NLGN4X: variants seen among roughly 807,000 people sequenced by gnomAD.
The protein encoded by NLGN4X is neuroligin-4, X-linked.
A neutral mutation model predicts 40.3 loss-of-function variants in NLGN4X; 3 were observed. The observed-to-expected ratio is 0.07, with a 90% CI of 0.03 to 0.19. The LOEUF is 0.19. NLGN4X is among the 10% of genes least tolerant of loss of function. The probability of loss-of-function intolerance (pLI) is 1.00; values close to 1 mark genes in which losing one functional copy is unlikely to be tolerated. For missense variants in NLGN4X, 382 were observed against 708.3 expected (o/e 0.54, Z 5.23); for synonymous variants, 270 against 306.8 (o/e 0.88, Z 1.25).
chrX:6,047,375 C>T lies in NLGN4X; in HGVS notation c.473-17943G>A, dbSNP rs751764947. ...ACCTGCAGTCCCAGCTACTTGGGGG[C>T]GCTGAGGTGGGAGGATCACCTAAGC... On this transcript the variant is annotated intron_variant, in intron 2 of 5. Coordinates refer to ENST00000381095, the MANE Select transcript of NLGN4X (RefSeq NM_181332.3). Among the ~76,000 whole-genome samples, 6 of 111,355 alleles carry T rather than the reference C, an allele frequency of 5.4e-5. 1 individual carries two copies. Among genetic ancestry groups the T allele is most frequent in the Middle Eastern group, 9.3e-3 (2 of 216 alleles).
chrX:6,065,823 T>G (rs921642028), intron 2 of NLGN4X, among the ~76,000 whole-genome samples: 1 of 112,067 alleles, frequency 8.9e-6, no homozygotes, highest in Non-Finnish European at 1.9e-5. Flanking sequence ...CTTGATATAC[T>G]ATGTTATTTT....
chrX:6,095,102 CGTGTGTGTGTGTGTGTGTGTGTGTGT>C (rs56285921), intron 2 of NLGN4X, among the ~76,000 whole-genome samples: 6 of 88,365 alleles, frequency 6.8e-5, no homozygotes, highest in African/African-American at 1.2e-4. Context: ...TACGTGCGTG[CGTGTGTGTGTGTGTGTGTGTGTGTGT>C]GTGTGTGTGT....
rs778715952 is a variant in NLGN4X at position 5,895,517 on chromosome X, T to C, written c.1602-1851A>G. Among the ~76,000 whole-genome samples, 14 of 111,681 alleles carry C rather than the reference T, an allele frequency of 1.3e-4. No individual in the cohort carries two copies. The South Asian group carries it at 1.5e-3, about 12-fold the overall frequency. On this transcript the variant is annotated intron_variant, in intron 5 of 5. Coordinates refer to ENST00000381095, the MANE Select transcript of NLGN4X (RefSeq NM_181332.3). ...GCATAAAAGTATATTGTATATTACA[T>C]ACTATATACAAGTATACTGCATACC...
intron 3 of NLGN4X, among the ~76,000 whole-genome samples, chrX:6,002,695 A>G (rs1176575947): frequency 9.0e-6 from 1 of 111,560 alleles, no homozygotes; most frequent in East Asian, 2.8e-4. Flanking sequence ...ACCAGGGCCC[A>G]AAGTGAGAAT....
intron 3 of NLGN4X, among the ~76,000 whole-genome samples, chrX:5,994,168 C>A (rs1441167698): frequency 1.8e-5 from 2 of 112,030 alleles, no homozygotes; most frequent in African/African-American, 6.5e-5. Context: ...GAAATTGCAA[C>A]AGACTGAACT....
At chrX:5,919,238 TA>T in intron 3 of NLGN4X, among the ~76,000 whole-genome samples, 1 of 111,628 alleles carries the variant, frequency 9.0e-6, no homozygotes, top group Non-Finnish European at 1.9e-5. Context: ...GCAATATATA[TA>T]TATATGTAGC....
intron 2 of NLGN4X, among the ~76,000 whole-genome samples, chrX:6,082,751 C>CG (rs1241962646): frequency 9.2e-6 from 1 of 108,901 alleles, no homozygotes; most frequent in Non-Finnish European, 1.9e-5. Flanking sequence ...AGGCAGCTCC[C>CG]GGGCAGGTAG....
chrX:6,004,207 A>G (rs1477847415), intron 3 of NLGN4X, among the ~76,000 whole-genome samples: 2 of 112,689 alleles, frequency 1.8e-5, no homozygotes, highest in African/African-American at 6.4e-5. Context: ...ACCTCAAAAG[A>G]CACTTATTAA....
intron 3 of NLGN4X, among the ~76,000 whole-genome samples, chrX:5,928,176 G>A (rs2033401992): frequency 1.8e-5 from 2 of 112,170 alleles, no homozygotes; most frequent in African/African-American, 3.2e-5. Context: ...TGTATTTTAC[G>A]CAGGAAGGTT....
chrX:5,974,131 G>A (rs1365563127), intron 3 of NLGN4X, among the ~76,000 whole-genome samples: 1 of 112,159 alleles, frequency 8.9e-6, no homozygotes, highest in Non-Finnish European at 1.9e-5. Flanking sequence ...ACAAAGAAAG[G>A]TGGTCGCTGA....
intron 1 of NLGN4X, among the ~76,000 whole-genome samples, chrX:6,225,681 C>CTTTTTTTTTTTTTTTTTTTTTTTTTT (rs1569309354): frequency 6.8e-4 from 23 of 33,792 alleles, no homozygotes; most frequent in Non-Finnish European, 9.5e-4. Flanking sequence ...TTTTTTCTTT[C>CTTTTTTTTTTTTTTTTTTTTTTTTTT]TTTTTTTCTT....
chrX:6,065,437 A>T (rs2037887037), intron 2 of NLGN4X, among the ~76,000 whole-genome samples: 1 of 110,816 alleles, frequency 9.0e-6, no homozygotes, highest in South Asian at 3.9e-4. Context: ...ACATTGCTTG[A>T]CATTTAAAAC....
intron 1 of NLGN4X, among the ~76,000 whole-genome samples, chrX:6,156,508 C>CA (rs1350976219): frequency 3.6e-5 from 4 of 110,717 alleles, no homozygotes; most frequent in Admixed American, 9.6e-5. Context: ...GACTCCGTCT[C>CA]AAAAAAACAA....
intron 3 of NLGN4X, among the ~76,000 whole-genome samples, chrX:5,931,664 G>A (rs1425843299): frequency 9.0e-6 from 1 of 111,600 alleles, no homozygotes. Flanking sequence ...AGAGAGTTAT[G>A]CTTCTTTTGA....
In NLGN4X at chrX:5,909,257, A is replaced by G. The variant is rs375170612; in HGVS notation, c.626-18T>C. ...TAAAAACCCTACAAAAGAACACAAGATATTTTTGGTGGCCAAATAGAAAAA... is the reference window on the plus strand; with the variant it reads ...TAAAAACCCTACAAAAGAACACAAGGTATTTTTGGTGGCCAAATAGAAAAA... On this transcript the variant is annotated intron_variant, in intron 3 of 5. Transcript: ENST00000381095. The G allele has an allele frequency of 1.1e-5, 13 of 1,207,594 alleles. No homozygotes were observed. Among genetic ancestry groups the G allele is most frequent in the African/African-American group, 3.5e-5 (2 of 57,024 alleles).
intron 2 of NLGN4X, among the ~76,000 whole-genome samples, chrX:6,060,303 T>TA (rs1304234376): frequency 1.8e-5 from 2 of 111,691 alleles, no homozygotes; most frequent in African/African-American, 3.3e-5. Flanking sequence ...CTTCTTTTCT[T>TA]AGAGTTGTGG....
intron 3 of NLGN4X, among the ~76,000 whole-genome samples, chrX:5,940,594 C>G (rs1212528159): frequency 1.2e-5 from 1 of 84,973 alleles, no homozygotes; most frequent in Non-Finnish European, 2.3e-5. Context: ...TGGTTCTATT[C>G]TCTAGAAAAA....
intron 2 of NLGN4X, among the ~76,000 whole-genome samples, chrX:6,124,409 C>T (rs1043085841): frequency 3.4e-4 from 38 of 112,102 alleles, no homozygotes; most frequent in African/African-American, 1.2e-3. Context: ...AGGCCAGTTG[C>T]AGTGGCCCAC....
At position 6,193,926 on chromosome X, in the gene NLGN4X, T is replaced by C. The variant is rs940371246; in HGVS notation, c.-306+34615A>G. Among the ~76,000 whole-genome samples, 8 of 112,358 alleles carry C rather than the reference T, an allele frequency of 7.1e-5. No homozygotes were observed. The East Asian group carries it at 2.2e-3, about 31-fold the overall frequency. On this transcript the variant is annotated intron_variant, in intron 1 of 5. Transcript: ENST00000381095. Reference sequence around the variant, plus strand: ...AAAGAACCAATCAATCATTTAGAAATCACTTATTTGCAAGAACTAATCCTC... The same window carrying C: ...AAAGAACCAATCAATCATTTAGAAACCACTTATTTGCAAGAACTAATCCTC...
Sources: allele counts gnomAD v4.1 joint callset (sites outside exome capture counted in the v4.1 genomes callset), GRCh38; gene constraint gnomAD v4.1.1; transcripts MANE v1.5; gene names NCBI Gene and HGNC (gene_info 2026-07-23, HGNC 2026-07-21).